Variants in FCGR2B observed in about 807,000 individuals in gnomAD.
The protein encoded by FCGR2B is low affinity immunoglobulin gamma Fc region receptor II-b.
FCGR2B carries 18 observed loss-of-function variants against 24.8 expected under a neutral mutation model. The ratio of observed to expected loss-of-function variants is 0.73; its 90% confidence interval spans 0.50 to 1.08. The LOEUF (loss-of-function observed/expected upper bound fraction) is 1.08, where lower values mean the gene tolerates loss of function less well. Ranked by LOEUF, FCGR2B falls within the 50% of genes least tolerant of loss-of-function variation. The pLI is 0.00. For missense variants in FCGR2B, 215 were observed against 297.6 expected (o/e 0.72, Z 2.04); for synonymous variants, 79 against 109.8 (o/e 0.72, Z 1.75).
the FCGR2B span, among the ~76,000 whole-genome samples, chr1:161,648,128 A>G: frequency 6.7e-6 from 1 of 150,080 alleles, no homozygotes; most frequent in Non-Finnish European, 1.5e-5. Context: ...GAATCTGACA[A>G]GACCGCAATA....
intron 1 of FCGR2B, among the ~76,000 whole-genome samples, chr1:161,669,574 C>CAAAATAAAATAAAATAAAATAAAAT (rs3039548): frequency 1.1e-4 from 13 of 122,728 alleles, no homozygotes; most frequent in African/African-American, 3.4e-4. Flanking sequence ...TGTCCCCCCA[C>CAAAATAAAATAAAATAAAATAAAAT]AAAATAAAAT....
At chr1:161,650,203 A>G in the FCGR2B span, among the ~76,000 whole-genome samples, 2 of 147,234 alleles carry the variant, frequency 1.4e-5, no homozygotes, top group Non-Finnish European at 3.0e-5. Flanking sequence ...GGTTTTGCCA[A>G]GTTGGCCAGG....
the FCGR2B span, among the ~76,000 whole-genome samples, chr1:161,656,198 A>G: frequency 1.3e-4 from 19 of 146,118 alleles, no homozygotes; most frequent in South Asian, 4.0e-3. Context: ...ATTCAGGTGA[A>G]GCACAGGATA....
intron 6 of FCGR2B, 180 bp from the exon 7 acceptor site, chr1:161,677,148 A>G (rs1362410076): frequency 2.8e-5 from 18 of 645,004 alleles, no homozygotes; most frequent in African/African-American, 3.8e-5. Context: ...TGGCTGGGCT[A>G]CCCTATGCAT....
intron 3 of FCGR2B, 136 bp downstream of exon 3, chr1:161,671,785 A>T: frequency 6.7e-7 from 1 of 1,500,044 alleles, no homozygotes. Context: ...AGCACATATC[A>T]GTGGTTGTTT....
Position 161,678,431 on chromosome 1 carries a change from T to C in FCGR2B, c.*878T>C, listed in dbSNP as rs1353046674. 4.6e-6 allele frequency: 1 copy of C among 218,046 alleles called. No individual in the cohort carries two copies. Among genetic ancestry groups the C allele is most frequent in the Non-Finnish European group, 9.2e-6 (1 of 108,488 alleles). The allele number at this position is 218,046 out of a possible 1,614,324, so 13.5% of individuals were successfully genotyped here. On this transcript the variant is annotated 3_prime_UTR_variant, in exon 8 of 8. Transcript: ENST00000358671. ...GTACAGGTTTGTAGCCTAGGGGCAATAGGCTATACGCTACAGCCTAGGTGT... is the reference window on the plus strand; with the variant it reads ...GTACAGGTTTGTAGCCTAGGGGCAACAGGCTATACGCTACAGCCTAGGTGT...
chr1:161,652,440 C>T, the FCGR2B span, among the ~76,000 whole-genome samples: 11,497 of 132,566 alleles, frequency 0.087, 1,181 homozygotes, highest in East Asian at 0.13. Flanking sequence ...AATTTGCTAA[C>T]ATTTCCATTT....
intron 5 of FCGR2B, chr1:161,674,509 G>C (rs1253836015): frequency 1.8e-5 from 5 of 283,534 alleles, no homozygotes; most frequent in Non-Finnish European, 3.5e-5. Context: ...AGTGGGGCCA[G>C]ACTGCCTGAG....
At chr1:161,650,048 C>T in the FCGR2B span, among the ~76,000 whole-genome samples, 3 of 150,462 alleles carry the variant, frequency 2.0e-5, no homozygotes, top group African/African-American at 7.4e-5. Flanking sequence ...CACTCTGTTG[C>T]CCAAGCTGGA....
At chr1:161,651,409 G>A in the FCGR2B span, among the ~76,000 whole-genome samples, 20 of 91,006 alleles carry the variant, frequency 2.2e-4, no homozygotes, top group Admixed American at 1.1e-3. Flanking sequence ...CTGGGTTCCC[G>A]TTTATTTTGG....
At chr1:161,647,616 C>G in the FCGR2B span, among the ~76,000 whole-genome samples, 7 of 150,696 alleles carry the variant, frequency 4.6e-5, no homozygotes, top group Non-Finnish European at 1.0e-4. Flanking sequence ...GCTCTGGACT[C>G]TTAATTTCAC....
the FCGR2B span, among the ~76,000 whole-genome samples, chr1:161,654,770 A>G: frequency 0.34 from 43,662 of 130,314 alleles, 8,910 homozygotes; most frequent in Admixed American, 0.44. Context: ...AGCCCTCTTT[A>G]GAAACACCTG....
the FCGR2B span, among the ~76,000 whole-genome samples, chr1:161,648,838 C>G: frequency 6.6e-6 from 1 of 150,790 alleles, no homozygotes; most frequent in Non-Finnish European, 1.5e-5. Context: ...TACAGGCACA[C>G]ACCAGCATGC....
rs752234061 is a variant in FCGR2B at position 161,671,586 on chromosome 1, G to A, written c.328G>A (p.Glu110Lys). 3.7e-6 allele frequency: 6 copies of A among 1,614,196 alleles called. No individual in the cohort carries two copies. Among genetic ancestry groups the A allele is most frequent in the Non-Finnish European group, 5.1e-6 (6 of 1,180,030 alleles). Reference protein sequence around the residue: ...RFKANNNDSGEYTCQTGQTSL... With the variant: ...RFKANNNDSGKYTCQTGQTSL... ...CAAGGCCAACAACAATGACAGCGGG[G>A]AGTACACGTGCCAGACTGGCCAGAC... Residue 110 changes from glutamate (E) to lysine (K), a missense_variant, in exon 3 of 8, where the codon GAG becomes AAG. Glu to Lys is a moderately conservative substitution (Grantham distance 56). This residue lies in a region of FCGR2B where 39 missense variants were observed against 73.3 expected (regional missense o/e 0.53). Transcript: ENST00000358671.
At position 161,677,630 on chromosome 1, in the gene FCGR2B, T is replaced by A; in HGVS notation, c.*77T>A. The stretch of plus-strand genomic sequence containing the variant: ...TGGTATTTCCTGGCCTAAATTCCCC[T>A]TGGGGAGGACAGGGAGATGCTGCAG... On this transcript the variant is annotated 3_prime_UTR_variant, in exon 8 of 8. Coordinates refer to ENST00000358671, the MANE Select transcript of FCGR2B (RefSeq NM_001394477.1). The A allele has an allele frequency of 7.6e-6, 9 of 1,176,482 alleles. No homozygotes were observed. The highest frequency in any genetic ancestry group is 8.8e-6 in the Non-Finnish European group (7 of 797,814). The allele number at this position is 1,176,482 out of a possible 1,614,324, so 72.9% of individuals were successfully genotyped here.
chr1:161,649,951 A>C, the FCGR2B span, among the ~76,000 whole-genome samples: 2,701 of 150,534 alleles, frequency 0.018, 166 homozygotes, highest in African/African-American at 0.062. Flanking sequence ...ATCTTAGAGA[A>C]AGAAGAGTAC....
At chr1:161,674,254 C>T in intron 5 of FCGR2B, 181 bp downstream of exon 5, 1 of 213,728 alleles carries the variant, frequency 4.7e-6, no homozygotes, top group Non-Finnish European at 9.0e-6. Context: ...AACAAACTAG[C>T]TTATGTGTCA....
chr1:161,648,997 G>A, the FCGR2B span, among the ~76,000 whole-genome samples: 2 of 150,470 alleles, frequency 1.3e-5, no homozygotes, highest in Non-Finnish European at 3.0e-5. Flanking sequence ...ATATTTGGGA[G>A]ATTAATGAAT....
At chr1:161,676,013 C>T in intron 6 of FCGR2B, 1 of 232,166 alleles carries the variant, frequency 4.3e-6, no homozygotes, top group Admixed American at 5.6e-5. Context: ...GAGTGGGTGG[C>T]CAGGGTGACC....
Sources: gnomAD v4.1 joint callset for allele counts (sites outside exome capture counted in the v4.1 genomes callset) on GRCh38, gnomAD v4.1.1 for gene constraint, gnomAD v4.1.1 regional missense constraint, MANE v1.5 for transcripts, NCBI Gene and HGNC (gene_info 2026-07-23, HGNC 2026-07-21) for gene names.